COG5: variants seen among roughly 807,000 people sequenced by gnomAD.
COG5 encodes component of oligomeric golgi complex 5.
Under a neutral mutation model 110.4 loss-of-function variants are expected in COG5, and 86 were observed. The observed-to-expected ratio is 0.78, with a 90% confidence interval of 0.65 to 0.93. The LOEUF is 0.93. COG5 is among the 40% of genes least tolerant of loss of function. The pLI, the probability that COG5 is intolerant of heterozygous loss-of-function variation, is 0.00. For synonymous variants in COG5, 360 were observed against 334.6 expected (o/e 1.08, Z -0.83); for missense variants, 1,077 against 987.0 (o/e 1.09, Z -1.22).
At chr7:107,400,440 G>C (rs1344630644) in intron 7 of COG5, among the ~76,000 whole-genome samples, 2 of 151,964 alleles carry the variant, frequency 1.3e-5, no homozygotes, top group African/African-American at 2.4e-5. Context: ...TCCAGCACAA[G>C]AGTGTTTAAA....
intron 7 of COG5, among the ~76,000 whole-genome samples, chr7:107,388,146 A>G (rs932805141): frequency 2.0e-5 from 3 of 152,132 alleles, no homozygotes; most frequent in Admixed American, 1.3e-4. Flanking sequence ...TTATCCTACA[A>G]TGCCCAGATT....
intron 10 of COG5, among the ~76,000 whole-genome samples, chr7:107,337,204 GGTAAAT>G (rs1380533027): frequency 6.6e-6 from 1 of 152,010 alleles, no homozygotes; most frequent in Non-Finnish European, 1.5e-5. Context: ...TTGGTGGAAA[GGTAAAT>G]TAGTGTAGCC....
chr7:107,540,524 G>A (rs369219574), intron 5 of COG5, among the ~76,000 whole-genome samples: 2 of 151,030 alleles, frequency 1.3e-5, no homozygotes, highest in East Asian at 3.9e-4. Context: ...GTTACAGTGG[G>A]TCAAGACTGC....
chr7:107,259,594 G>C (rs528207100), intron 14 of COG5, among the ~76,000 whole-genome samples: 1 of 152,142 alleles, frequency 6.6e-6, no homozygotes, highest in South Asian at 2.1e-4. Flanking sequence ...CGGGGCAGGG[G>C]GGGTCAAATG....
chr7:107,363,235 T>C (rs1813283541), intron 8 of COG5, among the ~76,000 whole-genome samples: 1 of 152,186 alleles, frequency 6.6e-6, no homozygotes, highest in African/African-American at 2.4e-5. Context: ...TCTAAGACCA[T>C]TCTCCAATAA....
At chr7:107,436,452 G>A (rs145569217) in intron 6 of COG5, among the ~76,000 whole-genome samples, 1 of 152,118 alleles carries the variant, frequency 6.6e-6, no homozygotes, top group African/African-American at 2.4e-5. Flanking sequence ...GAGGGTGGGG[G>A]AGAATGGGCA....
At chr7:107,237,145 G>A (rs574630196) in intron 17 of COG5, among the ~76,000 whole-genome samples, 4 of 152,310 alleles carry the variant, frequency 2.6e-5, no homozygotes, top group Admixed American at 1.3e-4. Flanking sequence ...TCTTGGCAAA[G>A]ATCTCTCTGC....
At chr7:107,473,418 A>G (rs1796761346) in intron 6 of COG5, among the ~76,000 whole-genome samples, 1 of 151,956 alleles carries the variant, frequency 6.6e-6, no homozygotes, top group Non-Finnish European at 1.5e-5. Context: ...TAACTGTGAT[A>G]TGTAAAATAT....
chr7:107,507,473 T>TG, intron 6 of COG5, among the ~76,000 whole-genome samples: 1 of 147,222 alleles, frequency 6.8e-6, no homozygotes, highest in East Asian at 2.0e-4. Context: ...TTTTGTATTT[T>TG]TTTTTTTTTT....
At chr7:107,383,668 G>C (rs1815321887) in intron 7 of COG5, among the ~76,000 whole-genome samples, 1 of 152,150 alleles carries the variant, frequency 6.6e-6, no homozygotes. Context: ...CAGGTATCTG[G>C]TAGGAAGAGA....
chr7:107,221,807 T>C lies in COG5; in HGVS notation c.2168+8808A>G, dbSNP rs1799949698. Reference sequence around the variant, plus strand: ...GAGATGCTTAACTTTCTCTTAGGAATTGATACATTTTCTTCCTTCTGATAA... The same window carrying C: ...GAGATGCTTAACTTTCTCTTAGGAACTGATACATTTTCTTCCTTCTGATAA... On this transcript the variant is annotated intron_variant, in intron 19 of 21. Transcript: ENST00000297135. Among the ~76,000 whole-genome samples the C allele has an allele frequency of 2.6e-5, 4 of 151,750 alleles. No individual in the cohort carries two copies. In the South Asian group the frequency reaches 8.3e-4, roughly 32 times the overall value.
chr7:107,331,699 T>G, intron 10 of COG5, among the ~76,000 whole-genome samples: 1 of 152,116 alleles, frequency 6.6e-6, no homozygotes. Flanking sequence ...AATATATTTA[T>G]GAAGAACTAG....
intron 6 of COG5, among the ~76,000 whole-genome samples, chr7:107,490,345 T>C (rs1425188785): frequency 2.0e-5 from 3 of 152,146 alleles, no homozygotes; most frequent in Admixed American, 2.0e-4. Context: ...CCATCTTTAA[T>C]GCAGAAATCT....
intron 6 of COG5, among the ~76,000 whole-genome samples, chr7:107,492,698 C>T (rs948554187): frequency 1.3e-5 from 2 of 152,112 alleles, no homozygotes; most frequent in Non-Finnish European, 2.9e-5. Flanking sequence ...TCAAATCTTT[C>T]CTGTCTCTTC....
At chr7:107,434,756 G>A (rs1326960193) in intron 6 of COG5, among the ~76,000 whole-genome samples, 1 of 152,040 alleles carries the variant, frequency 6.6e-6, no homozygotes, top group Non-Finnish European at 1.5e-5. Context: ...GGATCACTAG[G>A]TCAGGAGATC....
intron 6 of COG5, among the ~76,000 whole-genome samples, chr7:107,459,654 G>A (rs1177522658): frequency 1.3e-5 from 2 of 151,900 alleles, no homozygotes; most frequent in African/African-American, 4.8e-5. Flanking sequence ...AAAAAAGCCA[G>A]GTACTGTGGT....
intron 7 of COG5, among the ~76,000 whole-genome samples, chr7:107,400,045 C>CTT (rs79981193): frequency 3.4e-5 from 5 of 147,646 alleles, no homozygotes; most frequent in African/African-American, 9.9e-5. Context: ...AAAATCTAAC[C>CTT]TTTTTTTTTT....
chr7:107,501,081 T>C (rs1005756028), intron 6 of COG5, among the ~76,000 whole-genome samples: 1 of 152,020 alleles, frequency 6.6e-6, no homozygotes, highest in Non-Finnish European at 1.5e-5. Context: ...CACCTAATTT[T>C]CCTGTACAAT....
At chr7:107,395,727 G>C (rs1361503495) in intron 7 of COG5, among the ~76,000 whole-genome samples, 1 of 151,726 alleles carries the variant, frequency 6.6e-6, no homozygotes, top group African/African-American at 2.4e-5. Context: ...GCTAATCTTT[G>C]TATTTTTAGT....
Sources: allele counts gnomAD v4.1 joint callset (sites outside exome capture counted in the v4.1 genomes callset), GRCh38; gene constraint gnomAD v4.1.1; transcripts MANE v1.5; gene names NCBI Gene and HGNC (gene_info 2026-07-23, HGNC 2026-07-21).